The following IGF1R variants were observed in gnomAD, a reference collection of about 807,000 sequenced individuals.
The protein encoded by IGF1R is insulin-like growth factor 1 receptor.
IGF1R carries 44 observed loss-of-function variants against 144.6 expected under a neutral mutation model. The ratio of observed to expected loss-of-function variants is 0.30; its 90% CI spans 0.24 to 0.39. The LOEUF (loss-of-function observed/expected upper bound fraction) is 0.39. Ranked by LOEUF, IGF1R falls within the 10% of genes least tolerant of loss-of-function variation. IGF1R has a pLI of 1.00. For synonymous variants in IGF1R, 795 were observed against 722.8 expected (o/e 1.10, Z -1.60); for missense variants, 1,355 against 1,833.7 (o/e 0.74, Z 4.77).
intron 2 of IGF1R, among the ~76,000 whole-genome samples, chr15:98,823,826 C>G (rs1391792152): frequency 6.6e-6 from 1 of 152,004 alleles, no homozygotes. Flanking sequence ...TATTTCTCAC[C>G]CTGGTTTAAA....
chr15:98,782,308 T>G (rs889643462), intron 2 of IGF1R, among the ~76,000 whole-genome samples: 1 of 152,216 alleles, frequency 6.6e-6, no homozygotes, highest in African/African-American at 2.4e-5. Flanking sequence ...GGAAAACATC[T>G]TATTTTAATC....
rs771929410 is a variant in IGF1R at position 98,957,433 on chromosome 15, G to A, written c.4095G>A (p.Ser1365=). The A allele has an allele frequency of 2.9e-5, 46 of 1,612,854 alleles. No individual in the cohort carries two copies. The Admixed American group carries it at 3.7e-4, about 13-fold the overall frequency. ...GGGCCTTGCCGCTGCCCCAGTCTTC[G>A]ACCTGCTGATCCTTGGATCCTGAAT... ...NERALPLPQS[S]TC is the part of the protein sequence containing the mutation. The change falls in exon 21 of 21, where the codon TCG becomes TCA. Residue 1365 remains serine, a synonymous_variant. Transcript: ENST00000650285.
rs186667144 is a variant in IGF1R, at chr15:98,690,161, G to A, written c.95-17401G>A. On this transcript the variant is annotated intron_variant, in intron 1 of 20. Transcript: ENST00000650285. ...GTTCAAGACCAGCCTGGACAACATA[G>A]GGACACCCCATCTCTACAAAAAAAT... Among the ~76,000 whole-genome samples the A allele has an allele frequency of 4.0e-3, 602 of 152,138 alleles. 11 individuals are homozygous for A. Among genetic ancestry groups the A allele is most frequent in the Admixed American group, 0.034 (518 of 15,276 alleles).
chr15:98,676,388 G>A (rs948042215), intron 1 of IGF1R, among the ~76,000 whole-genome samples: 3 of 151,602 alleles, frequency 2.0e-5, no homozygotes, highest in South Asian at 4.2e-4. Context: ...CGCCTGCCTC[G>A]ACCTCCCAAA....
rs962327002 is a variant in IGF1R at position 98,962,070 on chromosome 15, C to T, written c.*4628C>T. ...TGAAGCTTTTCCCACAGCAGTCCAC[C>T]TCTGCAGGCTGGCAGCCGAATGGCT... On this transcript the variant is annotated 3_prime_UTR_variant, in exon 21 of 21. Coordinates refer to ENST00000650285, the MANE Select transcript of IGF1R (RefSeq NM_000875.5). 4.3e-6 allele frequency: 1 copy of T among 233,210 alleles called. No homozygotes were observed. The highest frequency in any genetic ancestry group is 2.2e-5 in the African/African-American group (1 of 45,342). The allele number at this position is 233,210 out of a possible 1,614,324, so 14.4% of individuals were successfully genotyped here.
intron 2 of IGF1R, among the ~76,000 whole-genome samples, chr15:98,821,614 G>A (rs2141479521): frequency 6.6e-6 from 1 of 152,334 alleles, no homozygotes; most frequent in South Asian, 2.1e-4. Context: ...CAGTATGACT[G>A]CTCTTCCATA....
intron 1 of IGF1R, among the ~76,000 whole-genome samples, chr15:98,694,136 A>AT (rs111851854): frequency 1.1e-4 from 17 of 150,492 alleles, no homozygotes; most frequent in South Asian, 4.2e-4. Context: ...ATTCCTCTGG[A>AT]TTTTTTTTTT....
At chr15:98,657,250 C>T (rs1418174580) in intron 1 of IGF1R, among the ~76,000 whole-genome samples, 3 of 152,076 alleles carry the variant, frequency 2.0e-5, no homozygotes, top group Admixed American at 6.6e-5. Flanking sequence ...AGGAGTTTTC[C>T]CCAAATTCAA....
At chr15:98,946,856 C>G (rs2016574041) in intron 19 of IGF1R, among the ~76,000 whole-genome samples, 1 of 152,256 alleles carries the variant, frequency 6.6e-6, no homozygotes, top group South Asian at 2.1e-4. Context: ...AGAAGTGGGT[C>G]TGGGAGGGAG....
At position 98,658,249 on chromosome 15, in the gene IGF1R, G is replaced by A. The variant is rs188156986; in HGVS notation, c.94+8574G>A. On this transcript the variant is annotated intron_variant, in intron 1 of 20. Coordinates refer to ENST00000650285, the MANE Select transcript of IGF1R (RefSeq NM_000875.5). ...GAATGTTTTTCCTCTTCACTACTCTGCTACTTCTCCTTCCATCCTCAATAC... is the reference window on the plus strand; with the variant it reads ...GAATGTTTTTCCTCTTCACTACTCTACTACTTCTCCTTCCATCCTCAATAC... Among the ~76,000 whole-genome samples, 375 of 152,272 alleles carry A rather than the reference G, an allele frequency of 2.5e-3. 1 individual carries two copies. Among genetic ancestry groups the A allele is most frequent in the South Asian group, 0.015 (70 of 4,826 alleles).
Position 98,959,297 on chromosome 15 carries a change from T to C in IGF1R, c.*1855T>C. ...TCTTAATGGCTATTTAATCCTTCCA[T>C]CCCACGAAAAACAGCTGCTGAGTCC... On this transcript the variant is annotated 3_prime_UTR_variant, in exon 21 of 21. Transcript: ENST00000650285. 1 of 233,610 alleles carries C rather than the reference T, an allele frequency of 4.3e-6. No homozygotes were observed. 14.5% of individuals were successfully genotyped at this position (233,610 alleles called of 1,614,324 possible).
rs1437561255 is a variant in IGF1R, at chr15:98,960,673, G to A, written c.*3231G>A. 4.3e-6 allele frequency: 1 copy of A among 233,258 alleles called. No homozygotes were observed. Among genetic ancestry groups the A allele is most frequent in the African/African-American group, 2.2e-5 (1 of 45,352 alleles). 14.4% of individuals were successfully genotyped at this position (233,258 alleles called of 1,614,324 possible). ...TGCTGCATTCATTGAGCACAAAGGT[G>A]CAGCTGCAGCAGCAGCTGGAGAGCA... On this transcript the variant is annotated 3_prime_UTR_variant, in exon 21 of 21. Coordinates refer to ENST00000650285, the MANE Select transcript of IGF1R (RefSeq NM_000875.5).
At chr15:98,783,339 C>G (rs1002304673) in intron 2 of IGF1R, among the ~76,000 whole-genome samples, 1 of 152,180 alleles carries the variant, frequency 6.6e-6, no homozygotes, top group Non-Finnish European at 1.5e-5. Context: ...TGCCTGGTTA[C>G]AAACTAACCT....
At position 98,939,335 on chromosome 15, in the gene IGF1R, C is replaced by T. The variant is rs745442206; in HGVS notation, c.3432C>T (p.Ala1144=). 15 of 1,613,924 alleles carry T rather than the reference C, an allele frequency of 9.3e-6. No homozygotes were observed. The African/African-American group carries it at 9.3e-5, about 10-fold the overall frequency. ...RDLAARNCMV[A]EDFTVKIGDF... ...TTGCTGCCCGGAATTGCATGGTAGC[C>T]GAAGATTTCACAGTCAAAATCGGAG... Residue 1144 remains alanine, a synonymous_variant, in exon 18 of 21, where the codon GCC becomes GCT. Coordinates refer to ENST00000650285, the MANE Select transcript of IGF1R (RefSeq NM_000875.5).
At chr15:98,942,321 C>T (rs2016393893) in intron 18 of IGF1R, among the ~76,000 whole-genome samples, 1 of 152,076 alleles carries the variant, frequency 6.6e-6, no homozygotes, top group African/African-American at 2.4e-5. Flanking sequence ...CTAATTTTTA[C>T]ACCGCTTCCT....
intron 2 of IGF1R, among the ~76,000 whole-genome samples, chr15:98,841,118 A>C (rs1771252949): frequency 6.6e-6 from 1 of 152,220 alleles, no homozygotes; most frequent in East Asian, 1.9e-4. Flanking sequence ...TACTGCCATC[A>C]TATTGAAGTT....
chr15:98,826,683 T>C (rs1272925236), intron 2 of IGF1R, among the ~76,000 whole-genome samples: 1 of 152,220 alleles, frequency 6.6e-6, no homozygotes. Flanking sequence ...TTGTATCTCT[T>C]TTAAATTTTC....
chr15:98,833,216 C>T (rs1400339373), intron 2 of IGF1R, among the ~76,000 whole-genome samples: 1 of 152,216 alleles, frequency 6.6e-6, no homozygotes, highest in East Asian at 1.9e-4. Context: ...TCTGATCTCC[C>T]TCTACCTCTC....
chr15:98,665,842 C>G (rs1014690200), intron 1 of IGF1R, among the ~76,000 whole-genome samples: 1 of 152,312 alleles, frequency 6.6e-6, no homozygotes, highest in South Asian at 2.1e-4. Flanking sequence ...TTGCTCTGCT[C>G]CCTGGATCGC....
Sources: gnomAD v4.1 joint callset for allele counts (sites outside exome capture counted in the v4.1 genomes callset) on GRCh38, gnomAD v4.1.1 for gene constraint, MANE v1.5 for transcripts, NCBI Gene and HGNC (gene_info 2026-07-23, HGNC 2026-07-21) for gene names.